The following PTPRG variants were observed in gnomAD, a reference collection of about 807,000 sequenced individuals.
PTPRG encodes receptor-type tyrosine-protein phosphatase gamma.
PTPRG carries 102 observed loss-of-function variants against 165.3 expected under a neutral mutation model. The observed-to-expected ratio is 0.62, with a 90% CI of 0.53 to 0.73. The LOEUF is 0.73. Ranked by LOEUF, PTPRG falls within the 30% of genes least tolerant of loss-of-function variation. PTPRG has a pLI of 0.00. For missense variants in PTPRG, 1,866 were observed against 1,861.4 expected (o/e 1.00, Z -0.05); for synonymous variants, 675 against 669.5 (o/e 1.01, Z -0.13).
In PTPRG at chr3:62,000,281, C is replaced by CAA. The variant is rs5849454; in HGVS notation, c.371-3050_371-3049dup. Reference sequence around the variant, plus strand: ...GGGCAACAGAGCGAGACTCTGTCTCCAAAAAAAAAAAAAAAAAAAGTCCTT... The same window carrying CAA: ...GGGCAACAGAGCGAGACTCTGTCTCCAAAAAAAAAAAAAAAAAAAAAGTCCTT... On this transcript the variant is annotated intron_variant, in intron 3 of 29. Transcript: ENST00000474889. Among the ~76,000 whole-genome samples the CAA allele has an allele frequency of 1.3e-3, 133 of 102,536 alleles. 1 individual carries two copies. The South Asian group carries it at 0.018, about 14-fold the overall frequency. 67.3% of individuals were successfully genotyped at this position (102,536 alleles called of 152,430 possible).
intron 1 of PTPRG, among the ~76,000 whole-genome samples, chr3:61,625,410 T>G (rs1252629432): frequency 6.6e-6 from 1 of 152,162 alleles, no homozygotes; most frequent in Non-Finnish European, 1.5e-5. Flanking sequence ...CTTTCATCTC[T>G]TACATTTTAA....
chr3:62,099,451 AG>A lies in PTPRG; in HGVS notation c.615+21195del, dbSNP rs573366294. On this transcript the variant is annotated intron_variant, in intron 5 of 29. Coordinates refer to ENST00000474889, the MANE Select transcript of PTPRG (RefSeq NM_002841.4). ...CACTCTTATGATAGTGAAAATTGTTAGGAAAAAAACACAAATGCCCAACATT... is the reference window on the plus strand; with the variant it reads ...CACTCTTATGATAGTGAAAATTGTTAGAAAAAAACACAAATGCCCAACATT... Among the ~76,000 whole-genome samples the A allele has an allele frequency of 2.4e-3, 371 of 152,344 alleles. 2 individuals carry two copies. The highest frequency in any genetic ancestry group is 8.4e-3 in the African/African-American group (351 of 41,576).
At chr3:62,289,939 T>C (rs2148901991) in intron 28 of PTPRG, among the ~76,000 whole-genome samples, 1 of 152,070 alleles carries the variant, frequency 6.6e-6, no homozygotes, top group South Asian at 2.1e-4. Flanking sequence ...AGAGGGAAAG[T>C]TCGCATTATT....
intron 8 of PTPRG, among the ~76,000 whole-genome samples, chr3:62,185,887 T>C (rs928317412): frequency 2.0e-5 from 3 of 152,184 alleles, no homozygotes; most frequent in Non-Finnish European, 4.4e-5. Flanking sequence ...GGACACAGGA[T>C]TTGCATGGGT....
In PTPRG at chr3:62,296,755, G is replaced by A. The variant is rs528728502; in HGVS notation, c.*3448G>A. The A allele has an allele frequency of 1.3e-5, 2 of 151,762 alleles. No homozygotes were observed. Among genetic ancestry groups the A allele is most frequent in the Admixed American group, 6.6e-5 (1 of 15,222 alleles). The allele number at this position is 151,762 out of a possible 1,614,324, so 9.4% of individuals were successfully genotyped here. A position where few individuals can be genotyped will look rare whatever the true frequency, so the allele number is the denominator to read the frequency against. The stretch of plus-strand genomic sequence containing the variant: ...CTTTACTTATCTCTAGAAAGAAGAA[G>A]GCATGCTACAAATAGGAAGGAATTG... On this transcript the variant is annotated 3_prime_UTR_variant, in exon 30 of 30. Transcript: ENST00000474889.
At chr3:62,139,675 G>A (rs910492389) in intron 6 of PTPRG, among the ~76,000 whole-genome samples, 2 of 152,118 alleles carry the variant, frequency 1.3e-5, no homozygotes, top group African/African-American at 4.8e-5. Flanking sequence ...GTCGAAACAC[G>A]GCACTGGCAG....
intron 4 of PTPRG, among the ~76,000 whole-genome samples, chr3:62,069,457 A>G (rs1432809559): frequency 1.3e-5 from 2 of 152,204 alleles, no homozygotes; most frequent in African/African-American, 4.8e-5. Flanking sequence ...GTTAGAAAGA[A>G]GTGAGAGAAG....
chr3:61,678,234 CACTT>C (rs1195973185), intron 1 of PTPRG, among the ~76,000 whole-genome samples: 1 of 152,114 alleles, frequency 6.6e-6, no homozygotes, highest in African/African-American at 2.4e-5. Flanking sequence ...TTCTAAAAGA[CACTT>C]GAAAACTAAC....
intron 1 of PTPRG, among the ~76,000 whole-genome samples, chr3:61,656,394 T>C (rs1178785695): frequency 6.6e-6 from 1 of 152,156 alleles, no homozygotes; most frequent in Non-Finnish European, 1.5e-5. Context: ...CCAATTTACA[T>C]ATGAATAGTT....
intron 5 of PTPRG, among the ~76,000 whole-genome samples, chr3:62,106,279 A>C (rs1290294480): frequency 6.6e-6 from 1 of 152,066 alleles, no homozygotes; most frequent in Admixed American, 6.6e-5. Flanking sequence ...TTGTTACTGG[A>C]CTCTAACATC....
At chr3:62,258,991 G>C (rs183394633) in intron 16 of PTPRG, among the ~76,000 whole-genome samples, 2 of 152,302 alleles carry the variant, frequency 1.3e-5, no homozygotes, top group African/African-American at 4.8e-5. Context: ...GCAGGGACTG[G>C]TAGAATCAGA....
In PTPRG at chr3:62,060,211, CA is replaced by C. The variant is rs3068431; in HGVS notation, c.520-17931del. 4.3e-3 allele frequency among the ~76,000 whole-genome samples: 564 copies of C among 131,470 alleles called. 3 individuals carry two copies. Among genetic ancestry groups the C allele is most frequent in the African/African-American group, 0.014 (464 of 34,116 alleles). 86.2% of individuals were successfully genotyped at this position (131,470 alleles called of 152,430 possible). ...TGAGCAACAGAGTGAGACCCTGTCT[CA>C]AAAAAAAAAAAAAAAAAAAATCCTT... On this transcript the variant is annotated intron_variant, in intron 4 of 29. Coordinates refer to ENST00000474889, the MANE Select transcript of PTPRG (RefSeq NM_002841.4).
At chr3:62,014,457 T>A (rs2041494022) in intron 4 of PTPRG, among the ~76,000 whole-genome samples, 1 of 152,238 alleles carries the variant, frequency 6.6e-6, no homozygotes, top group African/African-American at 2.4e-5. Flanking sequence ...CAGGTTAGTA[T>A]GTGGAAGATA....
intron 2 of PTPRG, among the ~76,000 whole-genome samples, chr3:61,777,109 T>C (rs1222380176): frequency 6.6e-6 from 1 of 152,174 alleles, no homozygotes; most frequent in Admixed American, 6.5e-5. Context: ...CTCTGGAATA[T>C]CAGAAATGAC....
rs542090494 is a variant in PTPRG, at chr3:61,667,997, A to G, written c.86-80881A>G. 3.3e-5 allele frequency among the ~76,000 whole-genome samples: 5 copies of G among 152,244 alleles called. No individual in the cohort carries two copies. In the South Asian group the frequency reaches 1.0e-3, roughly 32 times the overall value. ...GTTTTATTGGAATAGAGCCCCTGCT[A>G]TTTGTTGACTTATTGTCTATGGCTG... On this transcript the variant is annotated intron_variant, in intron 1 of 29. Transcript: ENST00000474889.
At chr3:62,234,140 G>A (rs1025845024) in intron 14 of PTPRG, among the ~76,000 whole-genome samples, 7 of 152,092 alleles carry the variant, frequency 4.6e-5, no homozygotes, top group African/African-American at 1.4e-4. Context: ...CTTAACACAC[G>A]ATTTCCCTAT....
At chr3:62,014,348 A>C (rs2041492232) in intron 4 of PTPRG, among the ~76,000 whole-genome samples, 1 of 152,200 alleles carries the variant, frequency 6.6e-6, no homozygotes, top group Non-Finnish European at 1.5e-5. Context: ...GATGGAGACC[A>C]GCTGGGCAAA....
At chr3:61,857,665 G>T (rs1209099) in intron 2 of PTPRG, among the ~76,000 whole-genome samples, 23,876 of 152,078 alleles carry the variant, frequency 0.16, 1,884 homozygotes, top group Middle Eastern at 0.19. Flanking sequence ...GACCAACATG[G>T]GTTTAATTAC....
chr3:61,868,234 A>G (rs1016647789), intron 2 of PTPRG, among the ~76,000 whole-genome samples: 2 of 152,152 alleles, frequency 1.3e-5, no homozygotes, highest in African/African-American at 4.8e-5. Flanking sequence ...ACCCTGTTAG[A>G]TCTTATATCA....
Sources: gnomAD v4.1 joint callset for allele counts (sites outside exome capture counted in the v4.1 genomes callset) on GRCh38, gnomAD v4.1.1 for gene constraint, MANE v1.5 for transcripts, NCBI Gene and HGNC (gene_info 2026-07-23, HGNC 2026-07-21) for gene names.